LRRC36: variants seen among roughly 807,000 people sequenced by gnomAD.
LRRC36 encodes leucine-rich repeat-containing protein 36.
A neutral mutation model predicts 81.1 loss-of-function variants in LRRC36; 62 were observed. The observed-to-expected ratio is 0.76, with a 90% CI of 0.62 to 0.94. The LOEUF is 0.94. LRRC36 is among the 40% of genes least tolerant of loss of function. LRRC36 has a pLI of 0.00. For synonymous variants in LRRC36, 334 were observed against 348.6 expected (o/e 0.96, Z 0.47); for missense variants, 761 against 881.7 (o/e 0.86, Z 1.73).
chr16:67,346,336 A>G lies in LRRC36; in HGVS notation c.279A>G (p.Leu93=). ...CTTCATTAGTGGAAGTGTCCCGTCT[A>G]CAACCGTTACCCTTCCTCAAAGAAC... ...NIPSLVEVSR[L]QPLPFLKELD... Residue 93 remains leucine (L), a synonymous_variant, in exon 3 of 14, where the codon CTA becomes CTG. Transcript: ENST00000329956. 6.2e-7 allele frequency: 1 copy of G among 1,612,690 alleles called. No homozygotes were observed. Among genetic ancestry groups the G allele is most frequent in the Non-Finnish European group, 8.5e-7 (1 of 1,178,760 alleles).
At chr16:67,357,729 T>A (rs116605660) in intron 5 of LRRC36, among the ~76,000 whole-genome samples, 5,177 of 152,242 alleles carry the variant, frequency 0.034, 140 homozygotes, top group South Asian at 0.069. Context: ...TGAAGTGCCC[T>A]CCAGCAGCTA....
intron 5 of LRRC36, among the ~76,000 whole-genome samples, chr16:67,357,847 T>C (rs886368840): frequency 1.3e-5 from 2 of 152,236 alleles, no homozygotes; most frequent in Admixed American, 6.5e-5. Context: ...CTGGGATTAC[T>C]GGTAGTAGAA....
At chr16:67,334,320 T>C (rs898477418) in intron 1 of LRRC36, among the ~76,000 whole-genome samples, 7 of 149,292 alleles carry the variant, frequency 4.7e-5, no homozygotes, top group African/African-American at 1.5e-4. Flanking sequence ...CGCCTGGCCG[T>C]CCACCATTAT....
chr16:67,341,911 G>C, intron 1 of LRRC36, 46 bp from the exon 2 acceptor site: 1 of 1,530,572 alleles, frequency 6.5e-7, no homozygotes, highest in Non-Finnish European at 8.9e-7. Flanking sequence ...CTCTGCTGTT[G>C]ATCCGAGCAG....
rs2037226632 is a variant in LRRC36 at position 67,327,165 on chromosome 16, G to T, written c.70+233G>T. 3 of 451,194 alleles carry T rather than the reference G, an allele frequency of 6.6e-6. No individual in the cohort carries two copies. In the East Asian group the frequency reaches 1.1e-4, roughly 16 times the overall value. 27.9% of individuals were successfully genotyped at this position (451,194 alleles called of 1,614,324 possible). On this transcript the variant is annotated intron_variant, in intron 1 of 13. Transcript: ENST00000329956. ...CAGAGCCCGAGGAATTGAGAGAGAA[G>T]AGGGGAGTGTGAAGTAGGGAAGGAG...
Position 67,347,590 on chromosome 16 carries a change from A to G in LRRC36, c.487A>G (p.Ser163Gly). Residue 163 changes from serine (S) to glycine (G), a missense_variant and splice_region_variant, in exon 4 of 14, where the codon AGC becomes GGC. By Grantham distance (56) the Ser-to-Gly change is moderately conservative. This residue lies in a region of LRRC36 where 263 missense variants were observed against 279.3 expected (regional missense o/e 0.94). Coordinates refer to ENST00000329956, the MANE Select transcript of LRRC36 (RefSeq NM_018296.6). ...AAATTTTCTTTTAGAGGTGGAAAAA[A>G]GGTAAGAAGATTCTTTACAAAATTT... The part of the protein sequence containing the change: ...SENFLLEVEK[S>G]SREKTMKNCV... 1.9e-6 allele frequency: 3 copies of G among 1,607,052 alleles called. No homozygotes were observed. The highest frequency in any genetic ancestry group is 2.2e-5 in the South Asian group (2 of 90,828).
chr16:67,329,530 T>C (rs1423441715), intron 1 of LRRC36, among the ~76,000 whole-genome samples: 2 of 151,542 alleles, frequency 1.3e-5, no homozygotes, highest in Non-Finnish European at 2.9e-5. Context: ...TGACCTCAAG[T>C]GACTCAGCCT....
intron 5 of LRRC36, among the ~76,000 whole-genome samples, chr16:67,356,447 G>C (rs2038906385): frequency 6.6e-6 from 1 of 152,192 alleles, no homozygotes; most frequent in Non-Finnish European, 1.5e-5. Context: ...GTCTACGGCT[G>C]TCATGGGGAG....
intron 2 of LRRC36, 146 bp from the exon 3 acceptor site, chr16:67,346,110 T>C: frequency 1.9e-6 from 1 of 527,094 alleles, no homozygotes; most frequent in Non-Finnish European, 3.3e-6. Flanking sequence ...TTCGGACAAG[T>C]TAAGTGAGAG....
intron 1 of LRRC36, 128 bp downstream of exon 1, chr16:67,327,060 G>A (rs933048576): frequency 3.5e-6 from 3 of 864,890 alleles, no homozygotes; most frequent in East Asian, 6.7e-5. Flanking sequence ...ACCTGAGGCT[G>A]GGGGGCGGGG....
At chr16:67,375,479 A>C in intron 10 of LRRC36, 67 bp downstream of exon 10, 1 of 1,384,780 alleles carries the variant, frequency 7.2e-7, no homozygotes, top group Non-Finnish European at 9.6e-7. Context: ...GTTCTGCTAA[A>C]AGCCACTTAG....
chr16:67,365,374 G>A lies in LRRC36; in HGVS notation c.754+19G>A. On this transcript the variant is annotated intron_variant, in intron 7 of 13. Transcript: ENST00000329956. ...GAAGATGGTAAATATTTTGCTCACTGAGTATTTTTCCCCCACACTAATCAG... is the reference window on the plus strand; with the variant it reads ...GAAGATGGTAAATATTTTGCTCACTAAGTATTTTTCCCCCACACTAATCAG... 1 of 1,609,816 alleles carries A rather than the reference G, an allele frequency of 6.2e-7. No homozygotes were observed. Among genetic ancestry groups the A allele is most frequent in the Non-Finnish European group, 8.5e-7 (1 of 1,176,540 alleles).
intron 3 of LRRC36, 67 bp from the exon 4 acceptor site, chr16:67,347,428 T>C: frequency 1.3e-6 from 2 of 1,598,962 alleles, no homozygotes; most frequent in Non-Finnish European, 1.7e-6. Flanking sequence ...TATGGTTTTC[T>C]GATTAACTAC....
At chr16:67,347,646 T>C (rs2038418661) in intron 4 of LRRC36, 55 bp downstream of exon 4, 1 of 1,225,130 alleles carries the variant, frequency 8.2e-7, no homozygotes, top group Non-Finnish European at 1.2e-6. Context: ...TAGGAAATAG[T>C]GAATTCCTGC....
In LRRC36 at chr16:67,363,592, TCAAA is replaced by T. The variant is rs1175604089; in HGVS notation, c.585_588del (p.Asn195LysfsTer12). 2.5e-6 allele frequency: 4 copies of T among 1,613,670 alleles called. No individual in the cohort carries two copies. The highest frequency in any genetic ancestry group is 2.5e-6 in the Non-Finnish European group (3 of 1,179,780). On this transcript the variant is annotated frameshift_variant, in exon 6 of 14. Transcript: ENST00000329956. LOFTEE classifies it high-confidence loss of function. ...GTTTGCTTTTTCTTTTAACACAGAC[TCAAA>T]CAAAGGACTTTTTATTCCCTTCCCC... is the stretch of plus-strand genomic sequence containing the variant.
At chr16:67,374,073 G>T (rs963123925) in intron 9 of LRRC36, among the ~76,000 whole-genome samples, 1 of 152,032 alleles carries the variant, frequency 6.6e-6, no homozygotes, top group African/African-American at 2.4e-5. Context: ...GTGCACACCT[G>T]TAGTTCCAGC....
Position 67,366,672 on chromosome 16 carries a change from T to A in LRRC36, c.755-345T>A, listed in dbSNP as rs574328728. On this transcript the variant is annotated intron_variant, in intron 7 of 13. Coordinates refer to ENST00000329956, the MANE Select transcript of LRRC36 (RefSeq NM_018296.6). ...GGCTGAGGTACGAGAATCGCTTCCC[T>A]CTGGGAAGCGAAGGTTGCACTGAGC... Among the ~76,000 whole-genome samples the A allele has an allele frequency of 9.9e-5, 15 of 151,812 alleles. 1 individual carries two copies. Among genetic ancestry groups the A allele is most frequent in the African/African-American group, 3.6e-4 (15 of 41,368 alleles).
chr16:67,358,526 TA>T (rs1481627031), intron 5 of LRRC36, among the ~76,000 whole-genome samples: 1 of 151,676 alleles, frequency 6.6e-6, no homozygotes, highest in African/African-American at 2.4e-5. Context: ...CCAGCTATTT[TA>T]TTTTTTGTGG....
At chr16:67,364,649 CAA>C (rs1180534436) in intron 6 of LRRC36, among the ~76,000 whole-genome samples, 3 of 151,582 alleles carry the variant, frequency 2.0e-5, no homozygotes, top group East Asian at 2.0e-4. Context: ...GAAATGGAGA[CAA>C]AGAGTATTGC....
Sources: gnomAD v4.1 joint callset for allele counts (sites outside exome capture counted in the v4.1 genomes callset) on GRCh38, gnomAD v4.1.1 for gene constraint, gnomAD v4.1.1 regional missense constraint, MANE v1.5 for transcripts, NCBI Gene and HGNC (gene_info 2026-07-23, HGNC 2026-07-21) for gene names.